ZNF341: variants seen among roughly 807,000 people sequenced by gnomAD.
The protein encoded by ZNF341 is zinc finger protein 341.
A neutral mutation model predicts 87.7 loss-of-function variants in ZNF341; 52 were observed. That is an observed-to-expected ratio of 0.59 (90% CI 0.47 to 0.75). The LOEUF (loss-of-function observed/expected upper bound fraction) is 0.75. ZNF341 is among the 30% of genes least tolerant of loss of function. The pLI is 0.00. For missense variants in ZNF341, 977 were observed against 1,145.9 expected (o/e 0.85, Z 2.13); for synonymous variants, 459 against 472.7 (o/e 0.97, Z 0.38).
At chr20:33,774,211 A>G (rs2747559) in intron 10 of ZNF341, among the ~76,000 whole-genome samples, 42,812 of 151,716 alleles carry the variant, frequency 0.28, 7,670 homozygotes, top group East Asian at 0.61. Context: ...AGAATCGCTC[A>G]AACTCGGGAG....
Position 33,758,707 on chromosome 20 carries a change from G to A in ZNF341, c.938-9G>A. 1.2e-6 allele frequency: 2 copies of A among 1,612,188 alleles called. No individual in the cohort carries two copies. The highest frequency in any genetic ancestry group is 2.2e-5 in the South Asian group (2 of 90,664). On this transcript the variant is annotated splice_polypyrimidine_tract_variant and intron_variant, in intron 6 of 14. Coordinates refer to ENST00000375200, the MANE Select transcript of ZNF341 (RefSeq NM_001282933.2). ...GCCTCATTGTCCCCTCCTTCCACTTGTCTTTCAGCTGCAGGGAAGCCAAAG... is the reference window on the plus strand; with the variant it reads ...GCCTCATTGTCCCCTCCTTCCACTTATCTTTCAGCTGCAGGGAAGCCAAAG...
chr20:33,736,127 C>CAA (rs1354681295), intron 1 of ZNF341, among the ~76,000 whole-genome samples: 1 of 118,524 alleles, frequency 8.4e-6, no homozygotes, highest in African/African-American at 3.1e-5. Flanking sequence ...GACCCTGTCT[C>CAA]AAAAAAAAAA....
At chr20:33,783,995 C>A in intron 12 of ZNF341, 131 bp downstream of exon 12, 1 of 838,778 alleles carries the variant, frequency 1.2e-6, no homozygotes, top group Non-Finnish European at 1.8e-6. Flanking sequence ...TTTCCCTCCA[C>A]TTCTCCATCT....
chr20:33,753,553 G>C (rs1255991579), intron 5 of ZNF341, 130 bp downstream of exon 5: 1 of 1,245,868 alleles, frequency 8.0e-7, no homozygotes, highest in Non-Finnish European at 1.1e-6. Context: ...CCCGGTCCTG[G>C]CCTTCATGGG....
chr20:33,787,800 G>C (rs1366048336), intron 12 of ZNF341: 1 of 152,306 alleles, frequency 6.6e-6, no homozygotes, highest in Non-Finnish European at 1.5e-5. Context: ...GATGATGGGA[G>C]TCAGTGCCTC....
chr20:33,767,191 G>A lies in ZNF341; in HGVS notation c.1413+150G>A, dbSNP rs893246878. 8.1e-6 allele frequency: 8 copies of A among 989,062 alleles called. No individual in the cohort carries two copies. The Admixed American group carries it at 1.9e-4, about 23-fold the overall frequency. 61.3% of individuals were successfully genotyped at this position (989,062 alleles called of 1,614,324 possible). On this transcript the variant is annotated intron_variant, in intron 9 of 14. Coordinates refer to ENST00000375200, the MANE Select transcript of ZNF341 (RefSeq NM_001282933.2). ...CCCCCCGGGTTAGATTCCGAGCAGG[G>A]GATTGATGAAGTAAGGTTACCCTTG...
chr20:33,769,437 G>A (rs2019479296), intron 9 of ZNF341, among the ~76,000 whole-genome samples: 1 of 152,052 alleles, frequency 6.6e-6, no homozygotes, highest in South Asian at 2.1e-4. Context: ...TAATTCTGAG[G>A]CCTGCTCCAG....
chr20:33,748,452 T>C lies in ZNF341; in HGVS notation c.340-471T>C, dbSNP rs563269862. 2.4e-4 allele frequency among the ~76,000 whole-genome samples: 37 copies of C among 152,256 alleles called. No homozygotes were observed. The East Asian group carries it at 6.8e-3, about 28-fold the overall frequency. Reference sequence around the variant, plus strand: ...GTTATTCTCCTCATTTGTTTTTTCTTTCATTCCGTTTTTGTTTGTTTGTTT... The same window carrying C: ...GTTATTCTCCTCATTTGTTTTTTCTCTCATTCCGTTTTTGTTTGTTTGTTT... On this transcript the variant is annotated intron_variant, in intron 3 of 14. Coordinates refer to ENST00000375200, the MANE Select transcript of ZNF341 (RefSeq NM_001282933.2).
At chr20:33,757,684 C>A (rs896357231) in intron 6 of ZNF341, among the ~76,000 whole-genome samples, 8 of 152,098 alleles carry the variant, frequency 5.3e-5, no homozygotes, top group African/African-American at 1.7e-4. Flanking sequence ...ATATTCCAGG[C>A]AGTAAGAAGA....
chr20:33,774,733 C>A (rs7264598), intron 10 of ZNF341, among the ~76,000 whole-genome samples: 1 of 151,992 alleles, frequency 6.6e-6, no homozygotes, highest in Non-Finnish European at 1.5e-5. Flanking sequence ...TGTGGGAGGC[C>A]GAGGCAGGCA....
intron 10 of ZNF341, among the ~76,000 whole-genome samples, chr20:33,780,473 T>A (rs988306126): frequency 1.3e-5 from 2 of 151,998 alleles, no homozygotes; most frequent in African/African-American, 4.8e-5. Context: ...AGTGGTGCGA[T>A]CTCGGCTCAC....
intron 3 of ZNF341, among the ~76,000 whole-genome samples, chr20:33,747,423 G>A (rs935918718): frequency 3.6e-5 from 5 of 138,206 alleles, no homozygotes; most frequent in East Asian, 2.0e-4. Flanking sequence ...AGACCATCCC[G>A]GCTAAAACGG....
At chr20:33,775,461 G>A (rs939057421) in intron 10 of ZNF341, among the ~76,000 whole-genome samples, 4 of 150,712 alleles carry the variant, frequency 2.7e-5, no homozygotes, top group African/African-American at 7.3e-5. Flanking sequence ...TACCCACCTC[G>A]GCCTCCCAAA....
rs1157494662 is a variant in ZNF341 at position 33,745,312 on chromosome 20, T to G, written c.339+13T>G. 1 of 1,608,008 alleles carries G rather than the reference T, an allele frequency of 6.2e-7. No individual in the cohort carries two copies. Among genetic ancestry groups the G allele is most frequent in the South Asian group, 1.1e-5 (1 of 90,898 alleles). On this transcript the variant is annotated intron_variant, in intron 3 of 14. Coordinates refer to ENST00000375200, the MANE Select transcript of ZNF341 (RefSeq NM_001282933.2). ...TGCCAATCGCCAGGTATTTGTTCAT[T>G]TATTCATTCAACATGTCTTTTTTGA...
chr20:33,778,285 G>A (rs1004162176), intron 10 of ZNF341, among the ~76,000 whole-genome samples: 43 of 151,812 alleles, frequency 2.8e-4, no homozygotes, highest in African/African-American at 9.7e-4. Flanking sequence ...GAGGCATTTA[G>A]TATGTGGCTT....
rs754913592 is a variant in ZNF341, at chr20:33,791,148, T to C, written c.2196T>C (p.Arg732=). ...AATACCTCAAAGATCACCGCTGTCGTCTCGGCCCCCAAAAGGACAAGGACC... is the reference window on the plus strand; with the variant it reads ...AATACCTCAAAGATCACCGCTGTCGCCTCGGCCCCCAAAAGGACAAGGACC... ...RHKYLKDHRC[R]LGPQKDKDLQ... The change falls in exon 15 of 15, where the codon CGT becomes CGC. Residue 732 remains arginine (R), a synonymous_variant. Coordinates refer to ENST00000375200, the MANE Select transcript of ZNF341 (RefSeq NM_001282933.2). 2.5e-6 allele frequency: 4 copies of C among 1,613,192 alleles called. No individual in the cohort carries two copies. The highest frequency in any genetic ancestry group is 3.4e-6 in the Non-Finnish European group (4 of 1,180,002).
intron 12 of ZNF341, chr20:33,787,463 T>G (rs561126655): frequency 1.3e-5 from 2 of 152,196 alleles, no homozygotes; most frequent in South Asian, 4.1e-4. Context: ...TTTTCAGAAG[T>G]ACTTTATTCA....
chr20:33,774,147 C>T (rs1041837574), intron 10 of ZNF341, among the ~76,000 whole-genome samples: 2 of 141,508 alleles, frequency 1.4e-5, no homozygotes, highest in African/African-American at 5.3e-5. Flanking sequence ...AAAAAATTAG[C>T]TGGGTGTGGT....
chr20:33,766,957 C>G lies in ZNF341; in HGVS notation c.1329C>G (p.Ser443Arg). The change falls in exon 9 of 15, where the codon AGC becomes AGG. Residue 443 changes from serine to arginine, a missense_variant. This residue lies in a region of ZNF341 where 515 missense variants were observed against 598.2 expected (regional missense o/e 0.86). Coordinates refer to ENST00000375200, the MANE Select transcript of ZNF341 (RefSeq NM_001282933.2). ...PESKQVVLID[S>R]SYLCQFCPSK... ...CCAAGCAGGTGGTCCTCATCGACAG[C>G]TCCTACCTGTGCCAATTCTGCCCCA... is the stretch of plus-strand genomic sequence containing the variant. 6.2e-7 allele frequency: 1 copy of G among 1,614,216 alleles called. No individual in the cohort carries two copies. The highest frequency in any genetic ancestry group is 8.5e-7 in the Non-Finnish European group (1 of 1,180,030).
Sources: allele counts gnomAD v4.1 joint callset (sites outside exome capture counted in the v4.1 genomes callset), GRCh38; gene constraint gnomAD v4.1.1; regional missense constraint gnomAD v4.1.1; transcripts MANE v1.5; gene names NCBI Gene and HGNC (gene_info 2026-07-23, HGNC 2026-07-21).